DNMT3L: variants seen among roughly 807,000 people sequenced by gnomAD.
The protein encoded by DNMT3L is DNA (cytosine-5)-methyltransferase 3-like.
DNMT3L carries 33 observed loss-of-function variants against 36.2 expected under a neutral mutation model. The ratio of observed to expected loss-of-function variants is 0.91; its 90% CI spans 0.69 to 1.22. DNMT3L has a LOEUF of 1.22. DNMT3L is among the 50% of genes most tolerant of loss of function. The pLI, the probability that DNMT3L is intolerant of heterozygous loss-of-function variation, is 0.00. For missense variants in DNMT3L, 310 were observed against 303.1 expected, an observed-to-expected ratio of 1.02 and a Z score of -0.17; for synonymous variants, 117 against 121.7, an observed-to-expected ratio of 0.96 and a Z score of 0.26.
chr21:44,259,303 G>T, intron 5 of DNMT3L, 134 bp downstream of exon 5: 5 of 905,052 alleles, frequency 5.5e-6, no homozygotes, highest in Non-Finnish European at 8.5e-6. Flanking sequence ...ATGACGCATT[G>T]GAGACAGAAA....
At chr21:44,253,798 C>A (rs142741855) in intron 8 of DNMT3L, among the ~76,000 whole-genome samples, 2 of 152,320 alleles carry the variant, frequency 1.3e-5, no homozygotes, top group Non-Finnish European at 2.9e-5. Context: ...CACCAGTCAA[C>A]AATGGACTCC....
Position 44,259,468 on chromosome 21 carries a change from G to C in DNMT3L, c.313C>G (p.Leu105Val), listed in dbSNP as rs1310795883. The change falls in exon 5 of 12, where the codon CTG becomes GTG. Residue 105 changes from leucine to valine, a missense_variant. Leu to Val is a conservative substitution (Grantham distance 32). Transcript: ENST00000628202. ...CAATCAGGGTTTCCGCAGATGAGCA[G>C]CGTCTCTCCGGAGCAGCAGATGGAG... ...YCSICCSGET[L>V]LICGNPDCTR... 2 of 1,613,690 alleles carry C rather than the reference G, an allele frequency of 1.2e-6. No individual in the cohort carries two copies. The highest frequency in any genetic ancestry group is 2.2e-5 in the East Asian group (1 of 44,890).
chr21:44,257,857 C>T (rs79211978), intron 6 of DNMT3L, among the ~76,000 whole-genome samples: 280 of 152,158 alleles, frequency 1.8e-3, no homozygotes, highest in African/African-American at 6.4e-3. Flanking sequence ...CCAGGCCTCT[C>T]CCCCAGCTCC....
At chr21:44,259,578 G>A in intron 4 of DNMT3L, 29 bp from the exon 5 acceptor site, 1 of 1,613,482 alleles carries the variant, frequency 6.2e-7, no homozygotes, top group East Asian at 2.2e-5. Context: ...AGGCTGGCTT[G>A]TGTCATCCCT....
Position 44,259,695 on chromosome 21 carries a change from G to C in DNMT3L, c.168C>G (p.Cys56Trp). 6.2e-7 allele frequency: 1 copy of C among 1,611,520 alleles called. No individual in the cohort carries two copies. Among genetic ancestry groups the C allele is most frequent in the Non-Finnish European group, 8.5e-7 (1 of 1,178,922 alleles). ...QRNIEDICIC[C>W]GSLQVHTQHP... ...GCTGTGTGTGAACCTGGAGACTTCC[G>C]CAGCAGATGCAGATGTCTAAAGGAA... The change falls in exon 4 of 12, where the codon TGC becomes TGG. Residue 56 changes from cysteine (C) to tryptophan (W), a missense_variant. Physicochemically the swap from Cys to Trp is radical, Grantham distance 215 (BLOSUM62 -2). Coordinates refer to ENST00000628202, the MANE Select transcript of DNMT3L (RefSeq NM_175867.3).
chr21:44,253,657 T>C (rs1009917686), intron 8 of DNMT3L, among the ~76,000 whole-genome samples: 1 of 152,104 alleles, frequency 6.6e-6, no homozygotes, highest in Non-Finnish European at 1.5e-5. Flanking sequence ...AGGCGGAGGT[T>C]GCAGTGAGCC....
At chr21:44,257,586 C>T (rs945820299) in intron 6 of DNMT3L, among the ~76,000 whole-genome samples, 9 of 143,226 alleles carry the variant, frequency 6.3e-5, no homozygotes, top group Non-Finnish European at 1.2e-4. Context: ...GAGGCTGAGG[C>T]AGGAGAATGG....
At chr21:44,254,329 C>T (rs2040240575) in intron 8 of DNMT3L, among the ~76,000 whole-genome samples, 1 of 152,228 alleles carries the variant, frequency 6.6e-6, no homozygotes, top group Non-Finnish European at 1.5e-5. Context: ...TGCCCAACTG[C>T]CCTGCTCTGA....
At chr21:44,259,010 G>A (rs372414398) in intron 5 of DNMT3L, among the ~76,000 whole-genome samples, 6 of 152,170 alleles carry the variant, frequency 3.9e-5, no homozygotes, top group African/African-American at 1.2e-4. Context: ...AAAACCAAAT[G>A]TAGCAACAGC....
intron 8 of DNMT3L, among the ~76,000 whole-genome samples, chr21:44,253,843 C>T (rs972738367): frequency 6.6e-6 from 1 of 152,206 alleles, no homozygotes; most frequent in Non-Finnish European, 1.5e-5. Context: ...CATAACAGCC[C>T]GAATCCCATT....
chr21:44,259,294 T>C (rs2040293988), intron 5 of DNMT3L, 143 bp downstream of exon 5: 1 of 831,792 alleles, frequency 1.2e-6, no homozygotes. Flanking sequence ...CTATGCCAAA[T>C]GACGCATTGG....
chr21:44,261,099 C>T (rs903522745), intron 2 of DNMT3L, 55 bp downstream of exon 2: 5 of 1,587,452 alleles, frequency 3.1e-6, no homozygotes, highest in Middle Eastern at 3.3e-4. Context: ...AGACCTCATC[C>T]AGGCCTGGGA....
chr21:44,259,153 C>G (rs537052753), intron 5 of DNMT3L, among the ~76,000 whole-genome samples: 1 of 152,210 alleles, frequency 6.6e-6, no homozygotes, highest in African/African-American at 2.4e-5. Flanking sequence ...CCCTTGTCAC[C>G]CCGGTCATGA....
chr21:44,259,765 A>G (rs2040300271), intron 3 of DNMT3L, 54 bp from the exon 4 acceptor site: 2 of 1,543,914 alleles, frequency 1.3e-6, no homozygotes, highest in Non-Finnish European at 1.8e-6. Flanking sequence ...CAAATACAGC[A>G]GACGATTAGG....
Sources: gnomAD v4.1 joint callset for allele counts (sites outside exome capture counted in the v4.1 genomes callset) on GRCh38, gnomAD v4.1.1 for gene constraint, MANE v1.5 for transcripts, NCBI Gene and HGNC (gene_info 2026-07-23, HGNC 2026-07-21) for gene names.